APOC1: variants seen among roughly 807,000 people sequenced by gnomAD.
APOC1 encodes the protein apolipoprotein C-I.
Under a neutral mutation model 6.7 loss-of-function variants are expected in APOC1, and 4 were observed. The ratio of observed to expected loss-of-function variants is 0.60; its 90% CI spans 0.29 to 1.37. The LOEUF (loss-of-function observed/expected upper bound fraction) is 1.37, where lower values mean the gene tolerates loss of function less well. Ranked by LOEUF, APOC1 falls within the 40% of genes most tolerant of loss-of-function variation. APOC1 has a pLI of 0.09. For synonymous variants in APOC1, 33 were observed against 40.6 expected (o/e 0.81, Z 0.72); for missense variants, 122 against 99.4 (o/e 1.23, Z -0.97).
At chr19:44,916,440 C>A in intron 3 of APOC1, 115 bp downstream of exon 3, 3 of 1,376,888 alleles carry the variant, frequency 2.2e-6, no homozygotes, top group Non-Finnish European at 3.0e-6. Context: ...AGGCTGACAA[C>A]ATCCCTCTGG....
chr19:44,916,750 G>A (rs989750280), intron 3 of APOC1, among the ~76,000 whole-genome samples: 1 of 148,172 alleles, frequency 6.7e-6, no homozygotes, highest in Non-Finnish European at 1.5e-5. Context: ...AACCAGGAAG[G>A]TGGGAGTTAC....
chr19:44,916,137 CAAA>C lies in APOC1; in HGVS notation c.59-36_59-34del, dbSNP rs376127005. ...GGGCTACAGAGCAAGACTCCATCTC[CAAA>C]AAAAAAAAAAAAAAAACAAATTTTG... On this transcript the variant is annotated intron_variant, in intron 2 of 3. Coordinates refer to ENST00000592535, the MANE Select transcript of APOC1 (RefSeq NM_001645.5). 1,899 of 895,884 alleles carry C rather than the reference CAAA, an allele frequency of 2.1e-3. 1 individual carries two copies. Among genetic ancestry groups the C allele is most frequent in the Admixed American group, 0.01 (205 of 19,866 alleles). The allele number at this position is 895,884 out of a possible 1,614,324, so 55.5% of individuals were successfully genotyped here.
intron 3 of APOC1, among the ~76,000 whole-genome samples, chr19:44,918,673 G>A (rs150382773): frequency 4.6e-5 from 7 of 151,118 alleles, no homozygotes; most frequent in East Asian, 3.9e-4. Context: ...CACGGCGCCC[G>A]GCCTTATTTT....
chr19:44,917,078 A>T (rs187757784), intron 3 of APOC1, among the ~76,000 whole-genome samples: 4 of 151,978 alleles, frequency 2.6e-5, no homozygotes, highest in Admixed American at 2.6e-4. Context: ...TGTGATCTTG[A>T]CAGAGGGGCA....
At position 44,914,829 on chromosome 19, in the gene APOC1, G is replaced by A. The variant is rs72654452; in HGVS notation, c.-20-43G>A. 1,295 of 1,519,218 alleles carry A rather than the reference G, an allele frequency of 8.5e-4. 15 individuals carry two copies. In the African/African-American group the frequency reaches 0.015, roughly 18 times the overall value. 94.1% of individuals were successfully genotyped at this position (1,519,218 alleles called of 1,614,324 possible). On this transcript the variant is annotated intron_variant, in intron 1 of 3. Coordinates refer to ENST00000592535, the MANE Select transcript of APOC1 (RefSeq NM_001645.5). Reference sequence around the variant, plus strand: ...ATCGTGGGAGGGAGGTAGGGAGGGAGGAGGGTGCCACTGATCCCCTGAACC... The same window carrying A: ...ATCGTGGGAGGGAGGTAGGGAGGGAAGAGGGTGCCACTGATCCCCTGAACC...
intron 3 of APOC1, 121 bp from the exon 4 acceptor site, chr19:44,919,052 C>G: frequency 1.5e-5 from 14 of 923,154 alleles, no homozygotes; most frequent in Non-Finnish European, 2.4e-5. Context: ...CTCCTAATCC[C>G]ACAGACAGTG....
intron 2 of APOC1, 121 bp downstream of exon 2, chr19:44,915,070 G>T: frequency 9.1e-7 from 1 of 1,098,994 alleles, no homozygotes; most frequent in South Asian, 1.3e-5. Context: ...GGTCGTGGTT[G>T]CCTCATCGTG....
intron 1 of APOC1, 53 bp from the exon 2 acceptor site, chr19:44,914,819 T>A: frequency 6.9e-7 from 1 of 1,446,274 alleles, no homozygotes; most frequent in Non-Finnish European, 9.6e-7. Context: ...GGGAGGGAGG[T>A]AGGGAGGGAG....
At chr19:44,916,986 G>T (rs192201947) in intron 3 of APOC1, among the ~76,000 whole-genome samples, 5 of 147,434 alleles carry the variant, frequency 3.4e-5, no homozygotes, top group African/African-American at 1.2e-4. Flanking sequence ...AAAAAAAAAA[G>T]ATGGTTTTGT....
Position 44,919,316 on chromosome 19 carries a change from C to T in APOC1, c.*86C>T. The T allele has an allele frequency of 8.6e-7, 1 of 1,164,416 alleles. No individual in the cohort carries two copies. Among genetic ancestry groups the T allele is most frequent in the Admixed American group, 1.9e-5 (1 of 52,868 alleles). 72.1% of individuals were successfully genotyped at this position (1,164,416 alleles called of 1,614,324 possible). ...GCTGAGGACTCCCTCCATGTGGCCC[C>T]AGGTGCCACCAATAAAAATCCTACA... On this transcript the variant is annotated 3_prime_UTR_variant, in exon 4 of 4. Coordinates refer to ENST00000592535, the MANE Select transcript of APOC1 (RefSeq NM_001645.5).
At chr19:44,919,103 A>G in intron 3 of APOC1, 70 bp from the exon 4 acceptor site, 1 of 1,299,602 alleles carries the variant, frequency 7.7e-7, no homozygotes, top group South Asian at 1.2e-5. Flanking sequence ...GGAGTCAGGT[A>G]GCAGGCAGAA....
chr19:44,918,337 C>CTTTTTTTTT (rs1200008263), intron 3 of APOC1, among the ~76,000 whole-genome samples: 1 of 90,326 alleles, frequency 1.1e-5, no homozygotes, highest in Admixed American at 1.5e-4. Context: ...TGAAGTGTTT[C>CTTTTTTTTT]TTTTTTTTTT....
At chr19:44,918,968 T>C in intron 3 of APOC1, 2 of 622,854 alleles carry the variant, frequency 3.2e-6, no homozygotes, top group African/African-American at 1.8e-5. Context: ...AAGGGTAAAG[T>C]GTTTAGACTT....
chr19:44,914,684 C>A lies in APOC1; in HGVS notation c.-70C>A, dbSNP rs1363030829. ...GCCCCCTCCCCAGCCTGATAAAGGT[C>A]CTGCGGGCAGGACAGGACCTCCCAA... On this transcript the variant is annotated 5_prime_UTR_variant, in exon 1 of 4. Coordinates refer to ENST00000592535, the MANE Select transcript of APOC1 (RefSeq NM_001645.5). 1.2e-5 allele frequency: 7 copies of A among 578,398 alleles called. No homozygotes were observed. Among genetic ancestry groups the A allele is most frequent in the Admixed American group, 3.0e-5 (1 of 33,330 alleles). 35.8% of individuals were successfully genotyped at this position (578,398 alleles called of 1,614,324 possible). A position where few individuals can be genotyped will look rare whatever the true frequency, so the allele number is the denominator to read the frequency against.
chr19:44,918,216 C>T (rs1027977860), intron 3 of APOC1, among the ~76,000 whole-genome samples: 11 of 150,674 alleles, frequency 7.3e-5, no homozygotes, highest in South Asian at 2.1e-4. Flanking sequence ...TGCAGTGAGC[C>T]GAGACAGTGC....
chr19:44,915,661 AG>A (rs1435570416), intron 2 of APOC1, among the ~76,000 whole-genome samples: 1 of 149,484 alleles, frequency 6.7e-6, no homozygotes, highest in African/African-American at 2.4e-5. Flanking sequence ...TCCCAACCTA[AG>A]GGGGTTCCAA....
At chr19:44,918,838 T>C in intron 3 of APOC1, 1 of 285,834 alleles carries the variant, frequency 3.5e-6, no homozygotes, top group Non-Finnish European at 6.5e-6. Flanking sequence ...TTTGTATTTT[T>C]AGTGAAGATG....
At chr19:44,917,985 A>C (rs1251506734) in intron 3 of APOC1, among the ~76,000 whole-genome samples, 1 of 150,092 alleles carries the variant, frequency 6.7e-6, no homozygotes, top group African/African-American at 2.5e-5. Flanking sequence ...AAAAAGAAAA[A>C]AAACTCCTGG....
At chr19:44,916,516 T>A in intron 3 of APOC1, 191 bp downstream of exon 3, 1 of 748,896 alleles carries the variant, frequency 1.3e-6, no homozygotes, top group Non-Finnish European at 2.1e-6. Context: ...ATCCAGGCCA[T>A]ATTTTAAAAG....
Sources: gnomAD v4.1 joint callset for allele counts (sites outside exome capture counted in the v4.1 genomes callset) on GRCh38, gnomAD v4.1.1 for gene constraint, MANE v1.5 for transcripts, NCBI Gene and HGNC (gene_info 2026-07-23, HGNC 2026-07-21) for gene names.